The following MEMO1 variants were observed in gnomAD, a reference collection of about 807,000 sequenced individuals.
MEMO1 encodes mediator of cell motility 1.
In MEMO1, 6 loss-of-function variants were observed where a neutral mutation model predicts 45.2. The observed-to-expected ratio is 0.13, with a 90% CI of 0.07 to 0.26. The LOEUF (loss-of-function observed/expected upper bound fraction) is 0.26, where lower values mean the gene tolerates loss of function less well. Among genes scored for constraint, MEMO1 ranks in the 10% least tolerant of loss-of-function variants. The pLI, the probability that MEMO1 is intolerant of heterozygous loss-of-function variation, is 1.00. For missense variants in MEMO1, 184 were observed against 370.5 expected (o/e 0.50, Z 4.13); for synonymous variants, 78 against 124.3 (o/e 0.63, Z 2.48).
intron 8 of MEMO1, among the ~76,000 whole-genome samples, chr2:31,876,645 C>T (rs1437823003): frequency 2.0e-5 from 3 of 152,128 alleles, no homozygotes; most frequent in African/African-American, 4.8e-5. Context: ...AAGGCAACAG[C>T]AAACATAACA....
At position 31,984,377 on chromosome 2, in the gene MEMO1, A is replaced by G. The variant is rs72860985; in HGVS notation, c.61+25810T>C. Among the ~76,000 whole-genome samples, 444 of 152,350 alleles carry G rather than the reference A, an allele frequency of 2.9e-3. 4 individuals carry two copies. The highest frequency in any genetic ancestry group is 0.01 in the African/African-American group (420 of 41,586). ...AATCCAAATGAAGGAACATTTCACA[A>G]AATGCCTGACAGTGTCTCAAAACTG... is the stretch of plus-strand genomic sequence containing the variant. On this transcript the variant is annotated intron_variant, in intron 2 of 9. Transcript: ENST00000404530.
intron 2 of MEMO1, among the ~76,000 whole-genome samples, chr2:31,982,936 A>AT (rs1417660454): frequency 6.6e-6 from 1 of 151,928 alleles, no homozygotes; most frequent in Non-Finnish European, 1.5e-5. Context: ...GTACAAACTC[A>AT]TGTTAAGTTT....
rs1232292371 is a variant in MEMO1, at chr2:31,990,284, C to G, written c.61+19903G>C. On this transcript the variant is annotated intron_variant, in intron 2 of 9. Coordinates refer to ENST00000404530, the MANE Select transcript of MEMO1 (RefSeq NM_001301833.4). ...CTAGACATTAAAGATATTTGCAAAA[C>G]TATAACAAATGCCACTCTTCTCATA... 2.6e-5 allele frequency among the ~76,000 whole-genome samples: 4 copies of G among 152,216 alleles called. No individual in the cohort carries two copies. The South Asian group carries it at 6.2e-4, about 24-fold the overall frequency.
intron 4 of MEMO1, chr2:31,923,881 G>C (rs1682698238): frequency 9.7e-7 from 1 of 1,035,858 alleles, no homozygotes; most frequent in South Asian, 2.1e-5. Flanking sequence ...AGGTCTGCTG[G>C]AAGCCTAATT....
intron 2 of MEMO1, among the ~76,000 whole-genome samples, chr2:31,964,040 A>C (rs1668322280): frequency 6.6e-6 from 1 of 152,238 alleles, no homozygotes; most frequent in Non-Finnish European, 1.5e-5. Context: ...TTCACTTTTT[A>C]AAAAAGTATA....
chr2:31,895,137 C>A (rs571600552), intron 6 of MEMO1, among the ~76,000 whole-genome samples: 2 of 152,254 alleles, frequency 1.3e-5, no homozygotes, highest in East Asian at 3.9e-4. Flanking sequence ...ATAAATACAA[C>A]CTGCAAGGGA....
rs188564606 is a variant in MEMO1, at chr2:31,906,104, C to T, written c.437+11822G>A. 1.0e-3 allele frequency among the ~76,000 whole-genome samples: 159 copies of T among 151,470 alleles called. 1 individual carries two copies. Among genetic ancestry groups the T allele is most frequent in the African/African-American group, 3.8e-3 (157 of 41,268 alleles). On this transcript the variant is annotated intron_variant, in intron 6 of 9. Coordinates refer to ENST00000404530, the MANE Select transcript of MEMO1 (RefSeq NM_001301833.4). ...TCTCCTGCCTCAGCCTCCCGAGTAG[C>T]TGGGATACAGGCACACACCCACACC...
At chr2:31,988,033 AGTAT>A (rs1252648492) in intron 2 of MEMO1, among the ~76,000 whole-genome samples, 3 of 152,190 alleles carry the variant, frequency 2.0e-5, no homozygotes, top group Non-Finnish European at 2.9e-5. Flanking sequence ...TGGAGGAGTC[AGTAT>A]GTACAGAGAG....
intron 2 of MEMO1, among the ~76,000 whole-genome samples, chr2:31,951,392 T>C (rs1219968740): frequency 6.6e-6 from 1 of 152,188 alleles, no homozygotes; most frequent in Non-Finnish European, 1.5e-5. Flanking sequence ...GATGTTCTGA[T>C]ATTCTTAATT....
Position 31,920,837 on chromosome 2 carries a change from A to G in MEMO1, c.286T>C (p.Tyr96His). ...SRCALSSVDI[Y>H]RTPLYDLRID... ...CGAAGGTCATACAGAGGTGTCCTAT[A>G]TATATCCACACTGGAAAGTGCACAT... The change falls in exon 5 of 10, where the codon TAT becomes CAT. Residue 96 changes from tyrosine (Y) to histidine (H), a missense_variant. Tyr to His is a moderately conservative substitution (Grantham distance 83). Coordinates refer to ENST00000404530, the MANE Select transcript of MEMO1 (RefSeq NM_001301833.4). The G allele has an allele frequency of 6.2e-7, 1 of 1,611,566 alleles. No homozygotes were observed. Among genetic ancestry groups the G allele is most frequent in the South Asian group, 1.1e-5 (1 of 90,906 alleles).
At chr2:31,968,428 C>A (rs975295406) in intron 2 of MEMO1, among the ~76,000 whole-genome samples, 2 of 152,120 alleles carry the variant, frequency 1.3e-5, no homozygotes, top group African/African-American at 2.4e-5. Flanking sequence ...GCTGATAACC[C>A]GACCCAGAAT....
intron 2 of MEMO1, among the ~76,000 whole-genome samples, chr2:31,947,991 T>G (rs544375684): frequency 1.3e-5 from 2 of 152,344 alleles, no homozygotes; most frequent in East Asian, 3.9e-4. Flanking sequence ...TTAGTGAGTA[T>G]GAATCACCTG....
intron 2 of MEMO1, among the ~76,000 whole-genome samples, chr2:31,989,700 T>C (rs1468714238): frequency 1.3e-5 from 2 of 152,248 alleles, no homozygotes; most frequent in African/African-American, 4.8e-5. Flanking sequence ...CATAGATATA[T>C]TAAATATATG....
At chr2:31,909,948 C>CA (rs1287691889) in intron 6 of MEMO1, among the ~76,000 whole-genome samples, 1 of 151,536 alleles carries the variant, frequency 6.6e-6, no homozygotes, top group African/African-American at 2.4e-5. Context: ...ATTAAAACTG[C>CA]AAAAAACCAA....
rs73922617 is a variant in MEMO1 at position 31,957,715 on chromosome 2, C to A, written c.62-14332G>T. Among the ~76,000 whole-genome samples the A allele has an allele frequency of 7.2e-3, 1,095 of 152,308 alleles. 9 individuals carry two copies. Among genetic ancestry groups the A allele is most frequent in the African/African-American group, 0.025 (1,036 of 41,556 alleles). On this transcript the variant is annotated intron_variant, in intron 2 of 9. Transcript: ENST00000404530. ...CTTATTAATATCTTTCTTCATAATTCTTCTCTAATGAACAAAATTAACAGT... is the reference window on the plus strand; with the variant it reads ...CTTATTAATATCTTTCTTCATAATTATTCTCTAATGAACAAAATTAACAGT...
At chr2:31,987,241 C>G (rs1268958009) in intron 2 of MEMO1, among the ~76,000 whole-genome samples, 1 of 152,136 alleles carries the variant, frequency 6.6e-6, no homozygotes, top group Non-Finnish European at 1.5e-5. Context: ...GGCCTCAATC[C>G]TCCCACCTCA....
chr2:31,989,441 G>A (rs1042361535), intron 2 of MEMO1, among the ~76,000 whole-genome samples: 1 of 152,160 alleles, frequency 6.6e-6, no homozygotes, highest in African/African-American at 2.4e-5. Flanking sequence ...AACAAATAAT[G>A]AAATGTGTAA....
chr2:31,943,233 T>C, intron 3 of MEMO1, 69 bp downstream of exon 3: 1 of 1,193,276 alleles, frequency 8.4e-7, no homozygotes, highest in Non-Finnish European at 1.2e-6. Flanking sequence ...CCACTGTACT[T>C]CAGCCTGGGC....
chr2:31,936,126 G>C (rs72493391), intron 3 of MEMO1, among the ~76,000 whole-genome samples: 1 of 151,856 alleles, frequency 6.6e-6, no homozygotes, highest in Non-Finnish European at 1.5e-5. Context: ...ACCACACCTG[G>C]CTAATTTTTC....
Sources: gnomAD v4.1 joint callset for allele counts (sites outside exome capture counted in the v4.1 genomes callset) on GRCh38, gnomAD v4.1.1 for gene constraint, MANE v1.5 for transcripts, NCBI Gene and HGNC (gene_info 2026-07-23, HGNC 2026-07-21) for gene names.